SCLT1: variants seen among roughly 807,000 people sequenced by gnomAD.
SCLT1 encodes sodium channel-associated protein 1.
Under a neutral mutation model 112.8 loss-of-function variants are expected in SCLT1, and 78 were observed. The ratio of observed to expected loss-of-function variants is 0.69; its 90% CI spans 0.58 to 0.83. SCLT1 has a LOEUF of 0.83. Ranked by LOEUF, SCLT1 falls within the 40% of genes least tolerant of loss-of-function variation. The probability of loss-of-function intolerance (pLI) is 0.00; values close to 1 mark genes in which losing one functional copy is unlikely to be tolerated. For missense variants in SCLT1, 747 were observed against 770.4 expected, an observed-to-expected ratio of 0.97 and a Z score of 0.36; for synonymous variants, 257 against 254.7, an observed-to-expected ratio of 1.01 and a Z score of -0.09.
intron 18 of SCLT1, among the ~76,000 whole-genome samples, chr4:128,901,772 C>A (rs906595584): frequency 7.9e-5 from 12 of 152,076 alleles, no homozygotes; most frequent in African/African-American, 2.7e-4. Context: ...CACATCAAAT[C>A]TCTATGATAT....
At chr4:128,931,697 C>T (rs188078545) in intron 18 of SCLT1, among the ~76,000 whole-genome samples, 3 of 152,166 alleles carry the variant, frequency 2.0e-5, no homozygotes, top group African/African-American at 2.4e-5. Context: ...CTCTTGACCT[C>T]GTGATCAGCC....
At chr4:128,892,674 A>G (rs1441454628) in intron 18 of SCLT1, among the ~76,000 whole-genome samples, 1 of 152,250 alleles carries the variant, frequency 6.6e-6, no homozygotes, top group Admixed American at 6.5e-5. Context: ...ACAAATAGTT[A>G]CTGAACATTC....
At chr4:129,033,873 T>A (rs1313333975) in intron 5 of SCLT1, among the ~76,000 whole-genome samples, 1 of 152,120 alleles carries the variant, frequency 6.6e-6, no homozygotes, top group African/African-American at 2.4e-5. Context: ...AAGATACATA[T>A]AGAAACCAGG....
chr4:128,950,952 T>C (rs901746241), intron 14 of SCLT1, among the ~76,000 whole-genome samples: 6 of 152,066 alleles, frequency 3.9e-5, no homozygotes, highest in Admixed American at 3.3e-4. Flanking sequence ...CAAAGGGAGA[T>C]ATGTAGCTTG....
chr4:128,898,259 C>A (rs2125931241), intron 18 of SCLT1, among the ~76,000 whole-genome samples: 1 of 152,276 alleles, frequency 6.6e-6, no homozygotes, highest in Middle Eastern at 3.4e-3. Flanking sequence ...CCAAAATTGA[C>A]CACATAGTTG....
chr4:128,956,773 G>C (rs1739250165), intron 13 of SCLT1, among the ~76,000 whole-genome samples: 1 of 151,890 alleles, frequency 6.6e-6, no homozygotes, highest in Non-Finnish European at 1.5e-5. Context: ...AGAAAAAAAA[G>C]GAACATCTTT....
At chr4:128,888,392 AT>A (rs1018755490) in intron 20 of SCLT1, among the ~76,000 whole-genome samples, 1 of 151,832 alleles carries the variant, frequency 6.6e-6, no homozygotes, top group African/African-American at 2.4e-5. Flanking sequence ...AATTTTTAAA[AT>A]TTTTTGTAGA....
At chr4:129,010,345 G>T (rs1208053847) in intron 5 of SCLT1, among the ~76,000 whole-genome samples, 1 of 152,122 alleles carries the variant, frequency 6.6e-6, no homozygotes, top group Non-Finnish European at 1.5e-5. Flanking sequence ...AAGTCAGGCA[G>T]CATGATGTCT....
At chr4:128,895,753 G>C (rs900507873) in intron 18 of SCLT1, among the ~76,000 whole-genome samples, 3 of 152,220 alleles carry the variant, frequency 2.0e-5, no homozygotes, top group African/African-American at 7.2e-5. Flanking sequence ...CCTCACCTGG[G>C]AAGTGCAAGG....
chr4:129,087,092 G>T (rs1027078978), intron 1 of SCLT1, among the ~76,000 whole-genome samples: 1 of 152,114 alleles, frequency 6.6e-6, no homozygotes, highest in Non-Finnish European at 1.5e-5. Flanking sequence ...GGGAGGAAAT[G>T]CAAGTGGAGA....
chr4:129,044,237 G>C (rs1747972381), intron 2 of SCLT1, among the ~76,000 whole-genome samples, 186 bp from the exon 3 acceptor site: 1 of 151,958 alleles, frequency 6.6e-6, no homozygotes, highest in Admixed American at 6.6e-5. Flanking sequence ...TAATACCCAT[G>C]CACAATAAAA....
chr4:129,026,295 G>A (rs989031126), intron 5 of SCLT1, among the ~76,000 whole-genome samples: 1 of 151,914 alleles, frequency 6.6e-6, no homozygotes, highest in East Asian at 1.9e-4. Flanking sequence ...ACCACATACT[G>A]GGAAGTAAAG....
At chr4:128,888,823 A>G (rs748851000) in intron 19 of SCLT1, 49 bp from the exon 20 acceptor site, 1 of 1,153,698 alleles carries the variant, frequency 8.7e-7, no homozygotes, top group Non-Finnish European at 1.3e-6. Flanking sequence ...TGTGACATGG[A>G]GATGTTTTGT....
At chr4:129,014,191 T>C (rs1245554112) in intron 5 of SCLT1, among the ~76,000 whole-genome samples, 1 of 151,384 alleles carries the variant, frequency 6.6e-6, no homozygotes, top group African/African-American at 2.4e-5. Flanking sequence ...CTGGCTATTT[T>C]TGCTGGGCAG....
At chr4:129,071,592 G>A (rs929031500) in intron 2 of SCLT1, among the ~76,000 whole-genome samples, 1 of 151,224 alleles carries the variant, frequency 6.6e-6, no homozygotes, top group Non-Finnish European at 1.5e-5. Flanking sequence ...TTTGTTTTTT[G>A]TTTTGTCTGA....
chr4:128,896,720 T>C (rs1454590374), intron 18 of SCLT1, among the ~76,000 whole-genome samples: 2 of 152,034 alleles, frequency 1.3e-5, no homozygotes, highest in Middle Eastern at 3.2e-3. Context: ...ACGATCAAAC[T>C]ACTCCCAGCT....
At chr4:128,982,662 C>G (rs765458062) in intron 9 of SCLT1, among the ~76,000 whole-genome samples, 3 of 151,936 alleles carry the variant, frequency 2.0e-5, no homozygotes, top group Non-Finnish European at 2.9e-5. Context: ...TCACCATGCC[C>G]GGCTAATTTT....
intron 1 of SCLT1, among the ~76,000 whole-genome samples, chr4:129,085,867 T>G (rs1260108918): frequency 1.3e-5 from 2 of 151,352 alleles, no homozygotes; most frequent in East Asian, 3.9e-4. Flanking sequence ...GGGTGAAGGG[T>G]GGGAGGAGGG....
Position 128,946,146 on chromosome 4 carries a change from G to A in SCLT1, c.1300C>T (p.Arg434Cys), listed in dbSNP as rs376175823. 28 of 1,600,178 alleles carry A rather than the reference G, an allele frequency of 1.7e-5. No homozygotes were observed. Among genetic ancestry groups the A allele is most frequent in the East Asian group, 4.5e-5 (2 of 44,658 alleles). ...AVEEELEKIY[R>C]EGRGNESDYR... Reference sequence around the variant, plus strand: ...TCACTCTCATTTCCTCTGCCTTCACGGTAAATCTGCAGAAAAGGCTTATTA... The same window carrying A: ...TCACTCTCATTTCCTCTGCCTTCACAGTAAATCTGCAGAAAAGGCTTATTA... The change falls in exon 16 of 21, where the codon CGT becomes TGT. Residue 434 changes from arginine to cysteine, a missense_variant. Physicochemically the swap from Arg to Cys is radical, Grantham distance 180. Coordinates refer to ENST00000281142, the MANE Select transcript of SCLT1 (RefSeq NM_144643.4).
Sources: allele counts gnomAD v4.1 joint callset (sites outside exome capture counted in the v4.1 genomes callset), GRCh38; gene constraint gnomAD v4.1.1; transcripts MANE v1.5; gene names NCBI Gene and HGNC (gene_info 2026-07-23, HGNC 2026-07-21).